Variants in SLC14A2 observed in about 807,000 individuals in gnomAD.
The protein encoded by SLC14A2 is solute carrier family 14 member 2.
A neutral mutation model predicts 104.6 loss-of-function variants in SLC14A2; 91 were observed. The observed-to-expected ratio is 0.87, with a 90% CI of 0.73 to 1.04. The LOEUF is 1.04. Among genes scored for constraint, SLC14A2 ranks in the 50% least tolerant of loss-of-function variants. The pLI, the probability that SLC14A2 is intolerant of heterozygous loss-of-function variation, is 0.00. For synonymous variants in SLC14A2, 476 were observed against 466.4 expected, an observed-to-expected ratio of 1.02 and a Z score of -0.27; for missense variants, 1,189 against 1,156.0, an observed-to-expected ratio of 1.03 and a Z score of -0.41.
chr18:45,486,106 G>T (rs143027075), intron 2 of SLC14A2, among the ~76,000 whole-genome samples: 13 of 152,280 alleles, frequency 8.5e-5, no homozygotes, highest in Non-Finnish European at 1.6e-4. Context: ...GATAAGTGTG[G>T]AAGAAAGTCA....
chr18:45,176,999 A>C, the SLC14A2 span, among the ~76,000 whole-genome samples: 1 of 152,158 alleles, frequency 6.6e-6, no homozygotes. Context: ...TACTAAAAAT[A>C]ACCTCATGCT....
intron 6 of SLC14A2, among the ~76,000 whole-genome samples, chr18:45,638,592 A>G (rs2045464410): frequency 6.6e-6 from 1 of 152,190 alleles, no homozygotes; most frequent in Non-Finnish European, 1.5e-5. Context: ...TCTAGGGAAG[A>G]GCTGGGCATC....
intron 1 of SLC14A2, among the ~76,000 whole-genome samples, chr18:45,307,088 G>A (rs571896474): frequency 1.4e-3 from 212 of 152,190 alleles, no homozygotes; most frequent in African/African-American, 4.9e-3. Context: ...ATCTTCTTGA[G>A]GGCATCAGTC....
At chr18:45,541,665 C>A (rs2043885262) in intron 2 of SLC14A2, among the ~76,000 whole-genome samples, 1 of 152,190 alleles carries the variant, frequency 6.6e-6, no homozygotes, top group South Asian at 2.1e-4. Flanking sequence ...CCCAGCCCTG[C>A]CTGCTGGACA....
intron 10 of SLC14A2, among the ~76,000 whole-genome samples, chr18:45,655,924 A>G (rs563731597): frequency 6.6e-6 from 1 of 152,324 alleles, no homozygotes; most frequent in East Asian, 1.9e-4. Flanking sequence ...AAATAATCCA[A>G]AACCAGGAGG....
rs139550454 is a variant in SLC14A2 at position 45,607,626 on chromosome 18, G to T, written c.-34-17005G>T. On this transcript the variant is annotated intron_variant, in intron 2 of 20. Transcript: ENST00000586448. ...TATCAAGGTGTGACAAATTGCCCCAGGTGTGACAAATTGCCCAAACTTAGC... is the reference window on the plus strand; with the variant it reads ...TATCAAGGTGTGACAAATTGCCCCATGTGTGACAAATTGCCCAAACTTAGC... 1.5e-3 allele frequency among the ~76,000 whole-genome samples: 228 copies of T among 152,216 alleles called. 1 individual carries two copies. The highest frequency in any genetic ancestry group is 5.4e-3 in the African/African-American group (224 of 41,518).
chr18:45,221,269 A>G (rs1338767115), intron 1 of SLC14A2, among the ~76,000 whole-genome samples: 1 of 152,152 alleles, frequency 6.6e-6, no homozygotes, highest in South Asian at 2.1e-4. Context: ...AGTCTGCTCC[A>G]TTGTTCTGGA....
chr18:45,304,010 G>A (rs907654261), intron 1 of SLC14A2, among the ~76,000 whole-genome samples: 1 of 152,194 alleles, frequency 6.6e-6, no homozygotes, highest in Non-Finnish European at 1.5e-5. Flanking sequence ...ACTGATGGAA[G>A]AGATGACTCA....
At chr18:45,670,863 T>C (rs893619730) in intron 16 of SLC14A2, among the ~76,000 whole-genome samples, 1 of 152,120 alleles carries the variant, frequency 6.6e-6, no homozygotes, top group Non-Finnish European at 1.5e-5. Context: ...GCTCTTGTCA[T>C]TGTTGCCCAG....
Position 45,228,417 on chromosome 18 carries a change from G to T in SLC14A2, c.-125+15226G>T, listed in dbSNP as rs554455536. ...TGATGTGTGGATGCCCTTCTCCCCA[G>T]GTGAGCCCACTGCCACCATGGGAGG... is the stretch of plus-strand genomic sequence containing the variant. On this transcript the variant is annotated intron_variant, in intron 1 of 20. Coordinates refer to the SLC14A2 transcript ENST00000586448. Among the ~76,000 whole-genome samples, 5 of 152,216 alleles carry T rather than the reference G, an allele frequency of 3.3e-5. No homozygotes were observed. The South Asian group carries it at 1.0e-3, about 32-fold the overall frequency.
intron 2 of SLC14A2, among the ~76,000 whole-genome samples, chr18:45,552,224 G>T (rs2044065601): frequency 1.3e-5 from 2 of 152,164 alleles, no homozygotes; most frequent in Non-Finnish European, 2.9e-5. Flanking sequence ...TTGCATTAGG[G>T]CAGAAAGGAC....
intron 1 of SLC14A2, among the ~76,000 whole-genome samples, chr18:45,327,568 C>T (rs1214080780): frequency 6.6e-6 from 1 of 152,200 alleles, no homozygotes; most frequent in Non-Finnish European, 1.5e-5. Context: ...CTGGTACCCT[C>T]TATTCTACCT....
intron 2 of SLC14A2, among the ~76,000 whole-genome samples, chr18:45,524,598 A>G (rs2043564701): frequency 6.6e-6 from 1 of 152,230 alleles, no homozygotes; most frequent in South Asian, 2.1e-4. Context: ...TATCCACATC[A>G]GAAGGCCAAC....
intron 1 of SLC14A2, 132 bp downstream of exon 1, chr18:45,615,714 C>G (rs962227995): frequency 6.6e-6 from 1 of 151,906 alleles, no homozygotes; most frequent in African/African-American, 2.4e-5. Flanking sequence ...TCTGTCTCCA[C>G]TGTGCCACCA....
chr18:45,401,394 A>G (rs116084399), intron 1 of SLC14A2, among the ~76,000 whole-genome samples: 167 of 152,330 alleles, frequency 1.1e-3, no homozygotes, highest in African/African-American at 4.0e-3. Flanking sequence ...TCATTAATGA[A>G]TCTGAAAGAT....
chr18:45,307,780 A>T (rs569557349), intron 1 of SLC14A2, among the ~76,000 whole-genome samples: 4 of 152,382 alleles, frequency 2.6e-5, no homozygotes, highest in African/African-American at 9.6e-5. Context: ...CTCAGCCTTG[A>T]TAACTATAAG....
intron 4 of SLC14A2, among the ~76,000 whole-genome samples, chr18:45,632,098 A>G (rs886806134): frequency 6.6e-6 from 1 of 151,744 alleles, no homozygotes; most frequent in African/African-American, 2.4e-5. Flanking sequence ...GACAAAGTGC[A>G]TAATTTTAAT....
intron 1 of SLC14A2, chr18:45,482,468 A>T (rs115486978): frequency 2.0e-5 from 3 of 152,168 alleles, no homozygotes; most frequent in Non-Finnish European, 4.4e-5. Context: ...CAAGGCTACA[A>T]TGAAGGTATT....
At chr18:45,440,377 TC>T (rs1200782106) in intron 1 of SLC14A2, 1 of 152,236 alleles carries the variant, frequency 6.6e-6, no homozygotes, top group East Asian at 1.9e-4. Context: ...AGACACTTAC[TC>T]CAAGACCATA....
Sources: allele counts gnomAD v4.1 joint callset (sites outside exome capture counted in the v4.1 genomes callset), GRCh38; gene constraint gnomAD v4.1.1; transcripts MANE v1.5; gene names NCBI Gene and HGNC (gene_info 2026-07-23, HGNC 2026-07-21).